The following HDAC9 variants were observed in gnomAD, a reference collection of about 807,000 sequenced individuals.
HDAC9 encodes the protein histone deacetylase 9.
In HDAC9, 41 loss-of-function variants were observed where a neutral mutation model predicts 139.4. The ratio of observed to expected loss-of-function variants is 0.29; its 90% CI spans 0.23 to 0.38. The LOEUF (loss-of-function observed/expected upper bound fraction) is 0.38, where lower values mean the gene tolerates loss of function less well. Ranked by LOEUF, HDAC9 falls within the 10% of genes least tolerant of loss-of-function variation. The pLI, the probability that HDAC9 is intolerant of heterozygous loss-of-function variation, is 1.00. For missense variants in HDAC9, 1,147 were observed against 1,297.0 expected (o/e 0.88, Z 1.78); for synonymous variants, 517 against 476.2 (o/e 1.09, Z -1.12).
chr7:18,998,750 T>TG lies in HDAC9; in HGVS notation c.*2689dup, dbSNP rs763584209. The TG allele has an allele frequency of 6.6e-6, 1 of 152,240 alleles. No individual in the cohort carries two copies. Among genetic ancestry groups the TG allele is most frequent in the Non-Finnish European group, 1.5e-5 (1 of 68,040 alleles). The allele number at this position is 152,240 out of a possible 1,614,324, so 9.4% of individuals were successfully genotyped here. A position where few individuals can be genotyped will look rare whatever the true frequency, so the allele number is the denominator to read the frequency against. On this transcript the variant is annotated 3_prime_UTR_variant, in exon 26 of 26. Coordinates refer to ENST00000686413, the MANE Select transcript of HDAC9 (RefSeq NM_178425.4). Reference sequence around the variant, plus strand: ...GTATTATCAATTTTGCATCTCCTTGTGATACTTACTTTGAAGGAAAATCAC... The same window carrying TG: ...GTATTATCAATTTTGCATCTCCTTGTGGATACTTACTTTGAAGGAAAATCAC...
chr7:18,695,192 A>T (rs1371011518), intron 12 of HDAC9, among the ~76,000 whole-genome samples: 1 of 152,212 alleles, frequency 6.6e-6, no homozygotes, highest in Non-Finnish European at 1.5e-5. Context: ...GGCAAAAATG[A>T]TAACACTATT....
intron 17 of HDAC9, among the ~76,000 whole-genome samples, chr7:18,809,497 A>C (rs1328801215): frequency 6.6e-6 from 1 of 152,066 alleles, no homozygotes; most frequent in South Asian, 2.1e-4. Flanking sequence ...TGGCAAAAAC[A>C]AAAACAAAAT....
At chr7:18,509,936 G>A (rs1329827313) in intron 2 of HDAC9, among the ~76,000 whole-genome samples, 3 of 152,016 alleles carry the variant, frequency 2.0e-5, no homozygotes, top group African/African-American at 7.2e-5. Context: ...ACAGTACCTA[G>A]CATATAATTG....
chr7:18,111,139 C>G (rs978324265), intron 1 of HDAC9, among the ~76,000 whole-genome samples: 7 of 152,308 alleles, frequency 4.6e-5, no homozygotes, highest in African/African-American at 1.7e-4. Flanking sequence ...GCCTGTGAAG[C>G]TTACAGCTTA....
At chr7:18,232,474 C>G (rs963834336) in intron 2 of HDAC9, among the ~76,000 whole-genome samples, 15 of 152,078 alleles carry the variant, frequency 9.9e-5, no homozygotes, top group African/African-American at 3.4e-4. Flanking sequence ...TTACCTGTCC[C>G]CCTAGTTGGA....
intron 12 of HDAC9, among the ~76,000 whole-genome samples, chr7:18,708,909 TCCACACACAC>T (rs966239473): frequency 6.6e-6 from 1 of 151,692 alleles, no homozygotes; most frequent in African/African-American, 2.4e-5. Flanking sequence ...TTCTCCTCTC[TCCACACACAC>T]CCACACACAT....
At chr7:18,842,466 GATTT>G (rs1346533869) in intron 21 of HDAC9, among the ~76,000 whole-genome samples, 1 of 151,958 alleles carries the variant, frequency 6.6e-6, no homozygotes, top group Non-Finnish European at 1.5e-5. Context: ...ATCTATTAAT[GATTT>G]ATTTCAATAA....
At chr7:18,805,775 C>A (rs1311551494) in intron 17 of HDAC9, among the ~76,000 whole-genome samples, 2 of 152,146 alleles carry the variant, frequency 1.3e-5, no homozygotes, top group Non-Finnish European at 2.9e-5. Context: ...GACTGAAGGC[C>A]TTTGAAGAAC....
chr7:18,516,896 C>T (rs886495224), intron 2 of HDAC9, among the ~76,000 whole-genome samples: 7 of 142,668 alleles, frequency 4.9e-5, no homozygotes, highest in African/African-American at 1.8e-4. Flanking sequence ...GATAGTAATA[C>T]ATTGAGCATC....
intron 1 of HDAC9, among the ~76,000 whole-genome samples, chr7:18,425,810 C>T (rs1270299438): frequency 4.6e-5 from 7 of 152,306 alleles, no homozygotes; most frequent in Non-Finnish European, 7.3e-5. Context: ...TTAACAATAT[C>T]CCTGTGATCT....
intron 2 of HDAC9, among the ~76,000 whole-genome samples, chr7:18,503,215 T>C (rs1176134978): frequency 6.6e-6 from 1 of 152,196 alleles, no homozygotes; most frequent in Admixed American, 6.5e-5. Flanking sequence ...CCCCCCTGTT[T>C]TTGAAAGGAA....
At chr7:18,398,640 T>C (rs1787269710) in intron 1 of HDAC9, among the ~76,000 whole-genome samples, 1 of 152,142 alleles carries the variant, frequency 6.6e-6, no homozygotes, top group Non-Finnish European at 1.5e-5. Context: ...TGTTAGCCCA[T>C]TGAATTCTTT....
chr7:18,443,837 TA>T (rs1649430821), intron 1 of HDAC9, among the ~76,000 whole-genome samples: 1 of 151,580 alleles, frequency 6.6e-6, no homozygotes, highest in African/African-American at 2.4e-5. Context: ...CACATTTGTA[TA>T]AACATTTGTA....
intron 18 of HDAC9, 109 bp downstream of exon 18, chr7:18,829,325 C>A: frequency 8.7e-7 from 1 of 1,144,678 alleles, no homozygotes; most frequent in South Asian, 1.2e-5. Context: ...ACTGAAAAAT[C>A]TTGCGAGGTA....
chr7:18,778,738 G>C (rs1790992684), intron 16 of HDAC9, among the ~76,000 whole-genome samples: 1 of 152,022 alleles, frequency 6.6e-6, no homozygotes, highest in Non-Finnish European at 1.5e-5. Flanking sequence ...CGGATCTTAA[G>C]TAAGGATCCT....
intron 1 of HDAC9, among the ~76,000 whole-genome samples, chr7:18,301,215 G>A (rs947541145): frequency 6.6e-6 from 1 of 151,758 alleles, no homozygotes; most frequent in African/African-American, 2.4e-5. Context: ...GAAACTTCTC[G>A]CTTCTCAATA....
chr7:18,602,800 A>G lies in HDAC9; in HGVS notation c.664+8771A>G, dbSNP rs114649794. Among the ~76,000 whole-genome samples, 4 of 151,996 alleles carry G rather than the reference A, an allele frequency of 2.6e-5. No homozygotes were observed. The East Asian group carries it at 5.8e-4, about 22-fold the overall frequency. ...TTTAATCTTTCTGTTATTGATTTCT[A>G]TTGTGGGCTGAGAAAATACTGTGTA... On this transcript the variant is annotated intron_variant, in intron 6 of 25. Transcript: ENST00000686413.
At chr7:18,461,955 G>A (rs556251520) in intron 1 of HDAC9, among the ~76,000 whole-genome samples, 78 of 152,228 alleles carry the variant, frequency 5.1e-4, no homozygotes, top group Non-Finnish European at 9.9e-4. Flanking sequence ...ATGTGAGGAT[G>A]AGAAAACAGA....
chr7:18,848,886 G>A (rs970104659), intron 21 of HDAC9, among the ~76,000 whole-genome samples: 4 of 152,062 alleles, frequency 2.6e-5, no homozygotes, highest in Admixed American at 2.6e-4. Flanking sequence ...CATATAATAT[G>A]TAAATTCATG....
Sources: gnomAD v4.1 joint callset for allele counts (sites outside exome capture counted in the v4.1 genomes callset) on GRCh38, gnomAD v4.1.1 for gene constraint, MANE v1.5 for transcripts, NCBI Gene and HGNC (gene_info 2026-07-23, HGNC 2026-07-21) for gene names.